DLK1: variants seen among roughly 807,000 people sequenced by gnomAD.
DLK1 encodes delta like non-canonical Notch ligand 1, also known as protein delta homolog 1.
A neutral mutation model predicts 35.2 loss-of-function variants in DLK1; 9 were observed. The ratio of observed to expected loss-of-function variants is 0.26; its 90% CI spans 0.15 to 0.45. The LOEUF (loss-of-function observed/expected upper bound fraction) is 0.45, where lower values mean the gene tolerates loss of function less well. Ranked by LOEUF, DLK1 falls within the 20% of genes least tolerant of loss-of-function variation. The pLI, the probability that DLK1 is intolerant of heterozygous loss-of-function variation, is 1.00. For missense variants in DLK1, 522 were observed against 528.5 expected, an observed-to-expected ratio of 0.99 and a Z score of 0.12; for synonymous variants, 231 against 228.4, an observed-to-expected ratio of 1.01 and a Z score of -0.10.
At chr14:100,728,305 G>T in intron 1 of DLK1, 91 bp from the exon 2 acceptor site, 1 of 1,447,114 alleles carries the variant, frequency 6.9e-7, no homozygotes, top group Non-Finnish European at 9.7e-7. Context: ...TGGTGCCCTC[G>T]AGGGCAGTGG....
chr14:100,734,422 C>T lies in DLK1; in HGVS notation c.678C>T (p.His226=). The T allele has an allele frequency of 1.2e-6, 2 of 1,612,012 alleles. No individual in the cohort carries two copies. The highest frequency in any genetic ancestry group is 1.1e-5 in the South Asian group (1 of 91,018). Residue 226 remains histidine, a synonymous_variant, in exon 5 of 5, where the codon CAC becomes CAT. Transcript: ENST00000341267. This position sits in a 1 kb window ranked among gnomAD's most constrained non-coding sequence, Gnocchi z 7.4. Reference sequence around the variant, plus strand: ...AGAACGGGGGCACCTGCCTGCAGCACACCCAGGTGAGCTACGAGTGTCTGT... The same window carrying T: ...AGAACGGGGGCACCTGCCTGCAGCATACCCAGGTGAGCTACGAGTGTCTGT... ...PCQNGGTCLQ[H]TQVSYECLCK...
At chr14:100,730,953 G>C (rs576359326) in intron 3 of DLK1, among the ~76,000 whole-genome samples, 1 of 151,756 alleles carries the variant, frequency 6.6e-6, no homozygotes, top group Admixed American at 6.6e-5. Flanking sequence ...GCCTCAGCAC[G>C]GGGGATTTCC....
At chr14:100,729,643 A>G (rs953953993) in intron 3 of DLK1, among the ~76,000 whole-genome samples, 3 of 152,216 alleles carry the variant, frequency 2.0e-5, no homozygotes, top group Non-Finnish European at 4.4e-5. Context: ...AGAAAGGGTT[A>G]AAGTGAAGAT....
chr14:100,729,164 C>T (rs2036477681), intron 3 of DLK1, 98 bp downstream of exon 3: 2 of 1,578,296 alleles, frequency 1.3e-6, no homozygotes, highest in Admixed American at 1.7e-5. Flanking sequence ...GTGTTCCTCA[C>T]TTCCTCATTC....
At position 100,737,780 on chromosome 14, in the gene DLK1, G is replaced by C. The variant is rs899876353; in HGVS notation, c.*2884G>C. 1.3e-5 allele frequency: 2 copies of C among 152,128 alleles called. No homozygotes were observed. The highest frequency in any genetic ancestry group is 2.9e-5 in the Non-Finnish European group (2 of 68,080). 9.4% of individuals were successfully genotyped at this position (152,128 alleles called of 1,614,324 possible). On this transcript the variant is annotated 3_prime_UTR_variant, in exon 5 of 5. Transcript: ENST00000341267. ...AAGAGCCACCATCTCACCTTCCCAC[G>C]CAACAAATTATCTATTACCAGCACC...
rs2036556882 is a variant in DLK1, at chr14:100,735,028, C to T, written c.*132C>T. 6.4e-6 allele frequency: 8 copies of T among 1,245,930 alleles called. No homozygotes were observed. Among genetic ancestry groups the T allele is most frequent in the African/African-American group, 4.5e-5 (3 of 66,684 alleles). The allele number at this position is 1,245,930 out of a possible 1,614,324, so 77.2% of individuals were successfully genotyped here. A position where few individuals can be genotyped will look rare whatever the true frequency, so the allele number is the denominator to read the frequency against. On this transcript the variant is annotated 3_prime_UTR_variant, in exon 5 of 5. Transcript: ENST00000341267. Reference sequence around the variant, plus strand: ...TGAACGCTACGCTTACATATATTGTCTTTGTGCTGCTGTGTGACAAACGCA... The same window carrying T: ...TGAACGCTACGCTTACATATATTGTTTTTGTGCTGCTGTGTGACAAACGCA...
At chr14:100,728,667 G>T (rs1319860756) in intron 2 of DLK1, 18 of 587,746 alleles carry the variant, frequency 3.1e-5, no homozygotes, top group South Asian at 2.2e-4. Context: ...TCTCAGAGGT[G>T]GGGGGGCAGG....
Position 100,728,975 on chromosome 14 carries a change from C to T in DLK1, c.171C>T (p.Cys57=), listed in dbSNP as rs751360185. 140 of 1,614,000 alleles carry T rather than the reference C, an allele frequency of 8.7e-5. No individual in the cohort carries two copies. Among genetic ancestry groups the T allele is most frequent in the Non-Finnish European group, 1.1e-4 (135 of 1,180,046 alleles). Residue 57 remains cysteine (C), a synonymous_variant, in exon 3 of 5, where the codon TGC becomes TGT. Transcript: ENST00000341267. ...PGWQGPLCDQ[C]VTSPGCLHGL... ...GGCAGGGTCCCCTTTGTGACCAGTG[C>T]GTGACCTCTCCCGGCTGCCTTCACG...
Position 100,738,002 on chromosome 14 carries a change from G to A in DLK1, c.*3106G>A, listed in dbSNP as rs1425325232. On this transcript the variant is annotated 3_prime_UTR_variant, in exon 5 of 5. Coordinates refer to ENST00000341267, the MANE Select transcript of DLK1 (RefSeq NM_003836.7). Reference sequence around the variant, plus strand: ...CAGCCACACCTTGTGTGTGTCTGGTGTAGTGTGTAGTTTACGAAACAAACG... The same window carrying A: ...CAGCCACACCTTGTGTGTGTCTGGTATAGTGTGTAGTTTACGAAACAAACG... 2 of 152,332 alleles carry A rather than the reference G, an allele frequency of 1.3e-5. No homozygotes were observed. Among genetic ancestry groups the A allele is most frequent in the Non-Finnish European group, 2.9e-5 (2 of 68,046 alleles). 9.4% of individuals were successfully genotyped at this position (152,332 alleles called of 1,614,324 possible). A position where few individuals can be genotyped will look rare whatever the true frequency, so the allele number is the denominator to read the frequency against.
rs1295507241 is a variant in DLK1 at position 100,737,458 on chromosome 14, C to T, written c.*2562C>T. The T allele has an allele frequency of 6.6e-6, 1 of 152,060 alleles. No individual in the cohort carries two copies. Among genetic ancestry groups the T allele is most frequent in the Admixed American group, 6.5e-5 (1 of 15,274 alleles). 9.4% of individuals were successfully genotyped at this position (152,060 alleles called of 1,614,324 possible). On this transcript the variant is annotated 3_prime_UTR_variant, in exon 5 of 5. Coordinates refer to ENST00000341267, the MANE Select transcript of DLK1 (RefSeq NM_003836.7). The stretch of plus-strand genomic sequence containing the variant: ...TGATCAAATTATCTATGTTTTCGAT[C>T]TTGATGCTATAGAGAACAGCCATGT...
rs910377680 is a variant in DLK1 at position 100,735,704 on chromosome 14, A to G, written c.*808A>G. ...GACGAATTCTCATCCTGGGATCCGAAAGGTTTTGGCCTATCCTGGATGAAC... is the reference window on the plus strand; with the variant it reads ...GACGAATTCTCATCCTGGGATCCGAGAGGTTTTGGCCTATCCTGGATGAAC... On this transcript the variant is annotated 3_prime_UTR_variant, in exon 5 of 5. Transcript: ENST00000341267. 1 of 152,206 alleles carries G rather than the reference A, an allele frequency of 6.6e-6. No individual in the cohort carries two copies. Among genetic ancestry groups the G allele is most frequent in the Non-Finnish European group, 1.5e-5 (1 of 68,028 alleles). The allele number at this position is 152,206 out of a possible 1,614,324, so 9.4% of individuals were successfully genotyped here. A position where few individuals can be genotyped will look rare whatever the true frequency, so the allele number is the denominator to read the frequency against.
chr14:100,728,385 T>G lies in DLK1; in HGVS notation c.68-11T>G, dbSNP rs2036461672. The stretch of plus-strand genomic sequence containing the variant: ...GGTGGGGTGAATTGTATAACCTTTC[T>G]TGTACCTCAGGGGCTGAATGCTTCC... On this transcript the variant is annotated splice_polypyrimidine_tract_variant and intron_variant, in intron 1 of 4. Transcript: ENST00000341267. The G allele has an allele frequency of 5.0e-6, 8 of 1,613,388 alleles. No homozygotes were observed. The highest frequency in any genetic ancestry group is 6.8e-6 in the Non-Finnish European group (8 of 1,179,592).
chr14:100,735,093 A>G lies in DLK1; in HGVS notation c.*197A>G, dbSNP rs757147702. On this transcript the variant is annotated 3_prime_UTR_variant, in exon 5 of 5. Coordinates refer to ENST00000341267, the MANE Select transcript of DLK1 (RefSeq NM_003836.7). ...CTCTTTCTCTCTCTTAATGCATGAT[A>G]CAGAATAATAATAAGAATTTCATCT... The G allele has an allele frequency of 6.7e-5, 33 of 492,914 alleles. No individual in the cohort carries two copies. The highest frequency in any genetic ancestry group is 3.6e-4 in the Middle Eastern group (1 of 2,780). The allele number at this position is 492,914 out of a possible 1,614,324, so 30.5% of individuals were successfully genotyped here.
chr14:100,727,186 T>G (rs114490877), intron 1 of DLK1, 51 bp downstream of exon 1: 84,431 of 1,485,672 alleles, frequency 0.057, 3,206 homozygotes, highest in South Asian at 0.13. Context: ...AGCCTGCGAC[T>G]CCCCGCCGGC....
chr14:100,732,029 C>T lies in DLK1; in HGVS notation c.263-13C>T, dbSNP rs373171884. On this transcript the variant is annotated splice_polypyrimidine_tract_variant and intron_variant, in intron 3 of 4. Coordinates refer to ENST00000341267, the MANE Select transcript of DLK1 (RefSeq NM_003836.7). ...GAGGAAGCTAAGTTCTCGTCTTCCCCGTCACCCCGCAGATGTTCGGGCCTG... is the reference window on the plus strand; with the variant it reads ...GAGGAAGCTAAGTTCTCGTCTTCCCTGTCACCCCGCAGATGTTCGGGCCTG... 1.5e-5 allele frequency: 24 copies of T among 1,604,588 alleles called. No individual in the cohort carries two copies. Among genetic ancestry groups the T allele is most frequent in the Middle Eastern group, 1.7e-4 (1 of 6,032 alleles).
intron 1 of DLK1, 105 bp from the exon 2 acceptor site, chr14:100,728,291 C>G: frequency 8.0e-7 from 1 of 1,247,088 alleles, no homozygotes; most frequent in East Asian, 2.4e-5. Flanking sequence ...CCCAAGAGGG[C>G]TGTTGGTGCC....
At position 100,734,901 on chromosome 14, in the gene DLK1, C is replaced by T. The variant is rs757350561; in HGVS notation, c.*5C>T. On this transcript the variant is annotated 3_prime_UTR_variant, in exon 5 of 5. Coordinates refer to ENST00000341267, the MANE Select transcript of DLK1 (RefSeq NM_003836.7). This position sits in a 1 kb window ranked among gnomAD's most constrained non-coding sequence, Gnocchi z 7.4. ...GCCGGCGACGAGGAGATCTAAGCAG[C>T]GTTCCCACAGCCCCCTCTAGATTCT... 2.6e-6 allele frequency: 4 copies of T among 1,566,484 alleles called. No individual in the cohort carries two copies. Among genetic ancestry groups the T allele is most frequent in the South Asian group, 2.3e-5 (2 of 85,126 alleles).
intron 2 of DLK1, 27 bp from the exon 3 acceptor site, chr14:100,728,909 C>A: frequency 6.2e-7 from 1 of 1,611,632 alleles, no homozygotes; most frequent in South Asian, 1.1e-5. Flanking sequence ...TTCATATGTC[C>A]CCACCTTTCT....
At chr14:100,730,707 C>T (rs562167578) in intron 3 of DLK1, among the ~76,000 whole-genome samples, 7 of 152,324 alleles carry the variant, frequency 4.6e-5, no homozygotes, top group Admixed American at 1.3e-4. Flanking sequence ...ACAGGAGAGT[C>T]GGGTGCAGAG....
Sources: gnomAD v4.1 joint callset for allele counts (sites outside exome capture counted in the v4.1 genomes callset) on GRCh38, gnomAD v4.1.1 for gene constraint, Gnocchi (gnomAD v3.1) non-coding constraint, MANE v1.5 for transcripts, NCBI Gene and HGNC (gene_info 2026-07-23, HGNC 2026-07-21) for gene names.